Variants in FOXP2 observed in about 807,000 individuals in gnomAD.
FOXP2 encodes the protein forkhead box protein P2.
In FOXP2, 12 loss-of-function variants were observed where a neutral mutation model predicts 115.8. The ratio of observed to expected loss-of-function variants is 0.10; its 90% CI spans 0.07 to 0.17. The LOEUF (loss-of-function observed/expected upper bound fraction) is 0.17. Among genes scored for constraint, FOXP2 ranks in the 10% least tolerant of loss-of-function variants. The pLI, the probability that FOXP2 is intolerant of heterozygous loss-of-function variation, is 1.00. For missense variants in FOXP2, 629 were observed against 843.5 expected (o/e 0.75, Z 3.15); for synonymous variants, 328 against 297.7 (o/e 1.10, Z -1.05).
intron 1 of FOXP2, among the ~76,000 whole-genome samples, chr7:114,115,603 A>G (rs1452279992): frequency 2.0e-5 from 3 of 151,828 alleles, no homozygotes; most frequent in Non-Finnish European, 4.4e-5. Context: ...TGATCTTCCC[A>G]CTTTTCTTCT....
At chr7:114,101,392 A>T (rs1052451175) in intron 1 of FOXP2, among the ~76,000 whole-genome samples, 27 of 152,150 alleles carry the variant, frequency 1.8e-4, no homozygotes, top group Admixed American at 1.7e-3. Flanking sequence ...ACAAATAGTA[A>T]GTTGATTTAC....
chr7:114,390,924 C>A (rs1326188179), intron 2 of FOXP2, among the ~76,000 whole-genome samples: 1 of 152,072 alleles, frequency 6.6e-6, no homozygotes, highest in Non-Finnish European at 1.5e-5. Context: ...CACAGTGGCT[C>A]ATGTCTGTAA....
At chr7:114,245,035 C>T (rs1465303694) in intron 1 of FOXP2, among the ~76,000 whole-genome samples, 4 of 152,140 alleles carry the variant, frequency 2.6e-5, no homozygotes, top group Admixed American at 6.5e-5. Context: ...GTGCTGGGAC[C>T]ACAAGCGCGA....
rs943284228 is a variant in FOXP2, at chr7:114,691,952, A to G, written c.*2026A>G. On this transcript the variant is annotated 3_prime_UTR_variant, in exon 17 of 17. Coordinates refer to ENST00000350908, the MANE Select transcript of FOXP2 (RefSeq NM_014491.4). ...TGCAAAAAAAAAAAAAGAAAAAAAAAAAAAGAAAAACATTAGAACAATTAT... is the reference window on the plus strand; with the variant it reads ...TGCAAAAAAAAAAAAAGAAAAAAAAGAAAAGAAAAACATTAGAACAATTAT... The G allele has an allele frequency of 1.4e-5, 6 of 419,252 alleles. No individual in the cohort carries two copies. Among genetic ancestry groups the G allele is most frequent in the African/African-American group, 1.3e-4 (6 of 47,412 alleles). 26.0% of individuals were successfully genotyped at this position (419,252 alleles called of 1,614,324 possible).
At chr7:114,221,010 G>A (rs933041292) in intron 1 of FOXP2, among the ~76,000 whole-genome samples, 6 of 151,966 alleles carry the variant, frequency 3.9e-5, no homozygotes, top group African/African-American at 1.2e-4. Context: ...ATAAATTTAT[G>A]GTAAGTAAAT....
chr7:114,571,104 CTG>C (rs1801278609), intron 3 of FOXP2, among the ~76,000 whole-genome samples: 1 of 151,942 alleles, frequency 6.6e-6, no homozygotes, highest in South Asian at 2.1e-4. Flanking sequence ...TTCACAGTTT[CTG>C]TGAGTTGACT....
chr7:114,295,091 G>C (rs983418858), intron 2 of FOXP2, among the ~76,000 whole-genome samples: 1 of 152,016 alleles, frequency 6.6e-6, no homozygotes. Context: ...CTTGTGGCTT[G>C]GAACTATCCG....
intron 1 of FOXP2, among the ~76,000 whole-genome samples, chr7:114,149,510 T>C (rs1253614078): frequency 6.6e-6 from 1 of 152,122 alleles, no homozygotes; most frequent in Non-Finnish European, 1.5e-5. Context: ...CTAGCTCACC[T>C]GCACTATTTG....
At chr7:114,688,064 A>G (rs982139056) in intron 16 of FOXP2, among the ~76,000 whole-genome samples, 2 of 151,756 alleles carry the variant, frequency 1.3e-5, no homozygotes, top group Non-Finnish European at 2.9e-5. Context: ...TGCAAAAGCC[A>G]TTTGTGAAGT....
intron 2 of FOXP2, among the ~76,000 whole-genome samples, chr7:114,438,935 T>C: frequency 6.6e-6 from 1 of 152,194 alleles, no homozygotes; most frequent in East Asian, 1.9e-4. Flanking sequence ...GAAGTAGATG[T>C]TAATGTGATC....
chr7:114,429,482 G>A (rs931827610), intron 2 of FOXP2, among the ~76,000 whole-genome samples: 2 of 151,326 alleles, frequency 1.3e-5, no homozygotes, highest in Non-Finnish European at 3.0e-5. Flanking sequence ...ATATATGGAC[G>A]TAGCATATTT....
At chr7:114,234,722 G>A (rs957716796) in intron 1 of FOXP2, among the ~76,000 whole-genome samples, 2 of 152,078 alleles carry the variant, frequency 1.3e-5, no homozygotes, top group Admixed American at 6.6e-5. Flanking sequence ...CCCTTTATTC[G>A]TTCTACTCTA....
At chr7:114,555,964 C>A (rs1282861445) in intron 3 of FOXP2, among the ~76,000 whole-genome samples, 2 of 152,126 alleles carry the variant, frequency 1.3e-5, no homozygotes, top group Admixed American at 6.5e-5. Flanking sequence ...TCATCTCTAC[C>A]TGTCAGGAAC....
At chr7:114,538,460 T>C (rs1001648195) in intron 3 of FOXP2, 1 of 805,140 alleles carries the variant, frequency 1.2e-6, no homozygotes, top group Non-Finnish European at 1.8e-6. Context: ...TGTAGGTTAA[T>C]ATATAATATA....
At chr7:114,354,742 A>G (rs549382818) in intron 2 of FOXP2, among the ~76,000 whole-genome samples, 1 of 152,296 alleles carries the variant, frequency 6.6e-6, no homozygotes, top group South Asian at 2.1e-4. Flanking sequence ...CTCTATGAAC[A>G]CACCTGCTCA....
intron 3 of FOXP2, among the ~76,000 whole-genome samples, chr7:114,543,549 C>CT (rs142873123): frequency 0.2 from 30,379 of 151,980 alleles, 4,045 homozygotes; most frequent in African/African-American, 0.38. Context: ...AAAAAAGAAA[C>CT]TTTTTTACAT....
At chr7:114,518,062 TA>T (rs1372775281) in intron 2 of FOXP2, among the ~76,000 whole-genome samples, 1 of 152,182 alleles carries the variant, frequency 6.6e-6, no homozygotes, top group Non-Finnish European at 1.5e-5. Context: ...TATTTATTGC[TA>T]AGTATTTTTT....
chr7:114,096,830 T>C (rs1416625965), intron 1 of FOXP2, among the ~76,000 whole-genome samples: 2 of 152,184 alleles, frequency 1.3e-5, no homozygotes, highest in Non-Finnish European at 2.9e-5. Flanking sequence ...AATTTTAATG[T>C]TTATCTTCTT....
At chr7:114,591,875 C>T (rs545906866) in intron 3 of FOXP2, among the ~76,000 whole-genome samples, 31 of 152,014 alleles carry the variant, frequency 2.0e-4, no homozygotes, top group Middle Eastern at 3.4e-3. Context: ...TCTGTGGTGT[C>T]CAACAGAGGA....
Sources: gnomAD v4.1 joint callset for allele counts (sites outside exome capture counted in the v4.1 genomes callset) on GRCh38, gnomAD v4.1.1 for gene constraint, MANE v1.5 for transcripts, NCBI Gene and HGNC (gene_info 2026-07-23, HGNC 2026-07-21) for gene names.